The following CNTNAP2 variants were observed in gnomAD, a reference collection of about 807,000 sequenced individuals.
The protein encoded by CNTNAP2 is contactin-associated protein-like 2.
CNTNAP2 carries 98 observed loss-of-function variants against 155.2 expected under a neutral mutation model. The observed-to-expected ratio is 0.63, with a 90% CI of 0.54 to 0.75. The LOEUF is 0.75. Among genes scored for constraint, CNTNAP2 ranks in the 30% least tolerant of loss-of-function variants. The pLI, the probability that CNTNAP2 is intolerant of heterozygous loss-of-function variation, is 0.00. For missense variants in CNTNAP2, 1,727 were observed against 1,688.1 expected (o/e 1.02, Z -0.40); for synonymous variants, 651 against 631.2 (o/e 1.03, Z -0.47).
intron 1 of CNTNAP2, among the ~76,000 whole-genome samples, chr7:146,746,646 T>G (rs187705431): frequency 2.0e-5 from 3 of 152,230 alleles, no homozygotes; most frequent in African/African-American, 7.2e-5. Context: ...CACATTTACT[T>G]TTAGTATCTT....
chr7:147,324,727 G>A (rs1489827258), intron 9 of CNTNAP2, among the ~76,000 whole-genome samples: 1 of 151,342 alleles, frequency 6.6e-6, no homozygotes, highest in Admixed American at 6.6e-5. Flanking sequence ...GTTTTTCAAA[G>A]AAAAATATCT....
intron 1 of CNTNAP2, among the ~76,000 whole-genome samples, chr7:146,251,956 G>A (rs1309312664): frequency 6.6e-6 from 1 of 152,148 alleles, no homozygotes. Context: ...AAGGCTTAGA[G>A]CAAGATCATT....
At chr7:148,259,449 A>G (rs1796516779) in intron 20 of CNTNAP2, among the ~76,000 whole-genome samples, 4 of 152,184 alleles carry the variant, frequency 2.6e-5, no homozygotes, top group Admixed American at 2.6e-4. Context: ...TGAAGAAAAA[A>G]GATGATATAT....
At chr7:146,247,590 G>A (rs1799682592) in intron 1 of CNTNAP2, among the ~76,000 whole-genome samples, 1 of 152,124 alleles carries the variant, frequency 6.6e-6, no homozygotes, top group Admixed American at 6.5e-5. Context: ...AGAGTGCCTG[G>A]ACATCAGGCA....
intron 9 of CNTNAP2, among the ~76,000 whole-genome samples, chr7:147,363,040 C>T (rs1796170979): frequency 6.6e-6 from 1 of 152,058 alleles, no homozygotes; most frequent in South Asian, 2.1e-4. Context: ...AGATGAAACC[C>T]TCACCTCCAA....
intron 1 of CNTNAP2, among the ~76,000 whole-genome samples, chr7:146,455,188 G>T (rs1052291381): frequency 1.3e-5 from 2 of 152,190 alleles, no homozygotes; most frequent in Non-Finnish European, 2.9e-5. Flanking sequence ...TGCCCTAGAT[G>T]TAAATCAATC....
chr7:146,779,202 G>T lies in CNTNAP2; in HGVS notation c.208+4821G>T, dbSNP rs539668972. Among the ~76,000 whole-genome samples the T allele has an allele frequency of 1.5e-4, 23 of 152,082 alleles. No individual in the cohort carries two copies. The South Asian group carries it at 4.8e-3, about 32-fold the overall frequency. ...CAGATGTATCATTCCAGTTCTAATG[G>T]TCACCTCCCCCTGTCTGAGCTCATT... On this transcript the variant is annotated intron_variant, in intron 2 of 23. Coordinates refer to ENST00000361727, the MANE Select transcript of CNTNAP2 (RefSeq NM_014141.6).
chr7:147,065,524 T>C (rs1799762068), intron 4 of CNTNAP2, among the ~76,000 whole-genome samples: 1 of 152,194 alleles, frequency 6.6e-6, no homozygotes, highest in South Asian at 2.1e-4. Flanking sequence ...GTGGCTGTAG[T>C]TTGTTGGTTG....
chr7:146,712,320 T>A (rs1157966407), intron 1 of CNTNAP2, among the ~76,000 whole-genome samples: 190 of 127,676 alleles, frequency 1.5e-3, no homozygotes, highest in African/African-American at 6.0e-3. Context: ...AGTATACATA[T>A]CTTATGTATA....
chr7:146,722,785 G>C (rs344467), intron 1 of CNTNAP2, among the ~76,000 whole-genome samples: 1 of 152,006 alleles, frequency 6.6e-6, no homozygotes, highest in South Asian at 2.1e-4. Flanking sequence ...GGGAGGCCGA[G>C]GCGGATGGAT....
intron 20 of CNTNAP2, among the ~76,000 whole-genome samples, chr7:148,264,242 G>A (rs191284438): frequency 1.3e-3 from 205 of 152,138 alleles, no homozygotes; most frequent in Middle Eastern, 0.01. Flanking sequence ...ATAATATATC[G>A]TCAAGTTAAA....
At chr7:148,283,880 G>A (rs1797033590) in intron 21 of CNTNAP2, among the ~76,000 whole-genome samples, 1 of 152,148 alleles carries the variant, frequency 6.6e-6, no homozygotes, top group East Asian at 1.9e-4. Flanking sequence ...TATTAAATAA[G>A]ATACACACAT....
At chr7:146,366,897 C>A (rs1386148049) in intron 1 of CNTNAP2, among the ~76,000 whole-genome samples, 1 of 152,120 alleles carries the variant, frequency 6.6e-6, no homozygotes, top group Non-Finnish European at 1.5e-5. Flanking sequence ...CCTGATCCAT[C>A]TTTAGACAGA....
At chr7:147,393,084 T>C (rs1029677669) in intron 9 of CNTNAP2, among the ~76,000 whole-genome samples, 1 of 152,024 alleles carries the variant, frequency 6.6e-6, no homozygotes, top group African/African-American at 2.4e-5. Context: ...TTTTCTATTG[T>C]TCACAGAAGT....
In CNTNAP2 at chr7:148,418,465, T is replaced by TA. The variant is rs2116736405; in HGVS notation, c.*2852dup. 6.6e-6 allele frequency: 1 copy of TA among 152,242 alleles called. No homozygotes were observed. The highest frequency in any genetic ancestry group is 1.9e-4 in the East Asian group (1 of 5,190). The allele number at this position is 152,242 out of a possible 1,614,324, so 9.4% of individuals were successfully genotyped here. On this transcript the variant is annotated 3_prime_UTR_variant, in exon 24 of 24. Coordinates refer to ENST00000361727, the MANE Select transcript of CNTNAP2 (RefSeq NM_014141.6). ...AACAACGACAAAAAATAGACTGTTT[T>TA]AAAGTTTCAGGGAAAGTTGGTGGCT... is the stretch of plus-strand genomic sequence containing the variant.
intron 8 of CNTNAP2, among the ~76,000 whole-genome samples, chr7:147,219,922 C>T (rs1803356040): frequency 4.0e-5 from 6 of 151,416 alleles, no homozygotes; most frequent in African/African-American, 1.5e-4. Flanking sequence ...ACTACAGGCA[C>T]CCACCACCAC....
At chr7:147,057,560 C>T (rs1799585319) in intron 4 of CNTNAP2, among the ~76,000 whole-genome samples, 1 of 152,122 alleles carries the variant, frequency 6.6e-6, no homozygotes, top group African/African-American at 2.4e-5. Context: ...AAAGGGCTGT[C>T]TCGTACACTG....
chr7:147,108,538 C>T (rs1324490226), intron 5 of CNTNAP2, among the ~76,000 whole-genome samples, 188 bp downstream of exon 5: 2 of 151,998 alleles, frequency 1.3e-5, no homozygotes, highest in African/African-American at 4.8e-5. Context: ...TATTAAACAC[C>T]TCTACTATAC....
At chr7:148,180,522 C>T (rs565187590) in intron 18 of CNTNAP2, among the ~76,000 whole-genome samples, 2 of 151,816 alleles carry the variant, frequency 1.3e-5, no homozygotes, top group African/African-American at 2.4e-5. Context: ...GCCAAAGAAA[C>T]AGTCTGACAA....
Sources: gnomAD v4.1 joint callset for allele counts (sites outside exome capture counted in the v4.1 genomes callset) on GRCh38, gnomAD v4.1.1 for gene constraint, MANE v1.5 for transcripts, NCBI Gene and HGNC (gene_info 2026-07-23, HGNC 2026-07-21) for gene names.